CDH23: variants seen among roughly 807,000 people sequenced by gnomAD.
CDH23 encodes cadherin related 23, also known as cadherin-23.
Under a neutral mutation model 317.1 loss-of-function variants are expected in CDH23, and 189 were observed. That is an observed-to-expected ratio of 0.60 (90% CI 0.53 to 0.67). CDH23 has a LOEUF of 0.67. Among genes scored for constraint, CDH23 ranks in the 30% least tolerant of loss-of-function variants. The pLI is 0.00. For synonymous variants in CDH23, 1,839 were observed against 1,876.8 expected (o/e 0.98, Z 0.52); for missense variants, 4,401 against 4,592.4 (o/e 0.96, Z 1.20).
At position 71,660,235 on chromosome 10, in the gene CDH23, C is replaced by T. The variant is rs116595063; in HGVS notation, c.1449+13618C>T. Among the ~76,000 whole-genome samples the T allele has an allele frequency of 3.0e-3, 454 of 152,186 alleles. 1 individual carries two copies. The highest frequency in any genetic ancestry group is 6.2e-3 in the Admixed American group (95 of 15,292). On this transcript the variant is annotated intron_variant, in intron 14 of 69. Coordinates refer to ENST00000224721, the MANE Select transcript of CDH23 (RefSeq NM_022124.6). The stretch of plus-strand genomic sequence containing the variant: ...CGGCCTCCCAAAGTGAGTGAGCCAC[C>T]GCGCCCGGCCTGACTCAGCCATTTC...
rs1051793390 is a variant in CDH23 at position 71,559,554 on chromosome 10, A to G, written c.430-7188A>G. 6.6e-5 allele frequency among the ~76,000 whole-genome samples: 10 copies of G among 152,326 alleles called. 1 individual carries two copies. Among genetic ancestry groups the G allele is most frequent in the Admixed American group, 4.6e-4 (7 of 15,310 alleles). ...ATAAGCACTTTGATGAGTGTCTTTC[A>G]GGGATTCCAAAAAGCCAGTACACAG... On this transcript the variant is annotated intron_variant, in intron 6 of 69. Transcript: ENST00000224721.
chr10:71,424,020 T>G (rs368229650), intron 1 of CDH23, among the ~76,000 whole-genome samples: 12 of 152,106 alleles, frequency 7.9e-5, no homozygotes, highest in African/African-American at 2.4e-4. Context: ...GCAGAAGAGG[T>G]GGGGACTGGG....
chr10:71,685,411 G>GC lies in CDH23; in HGVS notation c.1987-2230dup, dbSNP rs886211344. Among the ~76,000 whole-genome samples the GC allele has an allele frequency of 7.2e-5, 11 of 152,292 alleles. No individual in the cohort carries two copies. In the East Asian group the frequency reaches 7.7e-4, roughly 11 times the overall value. On this transcript the variant is annotated intron_variant, in intron 18 of 69. Transcript: ENST00000224721. ...GACTGGAGCATCTCGTTGTGCCTCA[G>GC]CCCCCCTAAAAGGGGCCGGAGCATG...
intron 6 of CDH23, among the ~76,000 whole-genome samples, chr10:71,513,599 C>T (rs1854116502): frequency 6.6e-6 from 1 of 152,194 alleles, no homozygotes; most frequent in Admixed American, 6.5e-5. Context: ...AGAGAAATCT[C>T]AGCAGGCTTC....
chr10:71,770,081 T>C (rs1468438336), intron 38 of CDH23, among the ~76,000 whole-genome samples: 1 of 152,188 alleles, frequency 6.6e-6, no homozygotes, highest in African/African-American at 2.4e-5. Context: ...CTTTGGAGAA[T>C]CTAGTCCCAG....
intron 1 of CDH23, among the ~76,000 whole-genome samples, chr10:71,404,468 A>G (rs1191802847): frequency 6.6e-6 from 1 of 152,218 alleles, no homozygotes; most frequent in East Asian, 1.9e-4. Flanking sequence ...TCCTTTAGCC[A>G]TTTGAGTTTG....
At chr10:71,811,864 T>G (rs1287230904) in intron 65 of CDH23, 91 bp from the exon 66 acceptor site, 2 of 1,592,446 alleles carry the variant, frequency 1.3e-6, no homozygotes, top group African/African-American at 1.3e-5. Flanking sequence ...CCCAGGACCA[T>G]GCCCCGCACC....
chr10:71,780,539 A>T (rs1840924775), intron 41 of CDH23, among the ~76,000 whole-genome samples: 1 of 152,212 alleles, frequency 6.6e-6, no homozygotes, highest in Admixed American at 6.5e-5. Flanking sequence ...ACAGAGAAGC[A>T]AAAAGGCCTG....
At chr10:71,761,897 G>A (rs767512752) in intron 38 of CDH23, 8 of 1,614,030 alleles carry the variant, frequency 5.0e-6, no homozygotes, top group South Asian at 2.2e-5. Context: ...GCGGTACCAC[G>A]TCTTGTAGAA....
At chr10:71,449,890 C>T (rs1235823822) in intron 3 of CDH23, among the ~76,000 whole-genome samples, 3 of 152,236 alleles carry the variant, frequency 2.0e-5, no homozygotes, top group Non-Finnish European at 4.4e-5. Context: ...ATCTCCTCAC[C>T]TATCTCAGGC....
chr10:71,533,608 G>C (rs1411819606), intron 6 of CDH23, among the ~76,000 whole-genome samples: 2 of 151,142 alleles, frequency 1.3e-5, no homozygotes, highest in Non-Finnish European at 2.9e-5. Context: ...ACTTAGTTGG[G>C]GCAGCCTGTT....
Position 71,811,448 on chromosome 10 carries a change from C to G in CDH23, c.9198+13C>G, listed in dbSNP as rs375384238. 1 of 1,613,992 alleles carries G rather than the reference C, an allele frequency of 6.2e-7. No individual in the cohort carries two copies. Among genetic ancestry groups the G allele is most frequent in the South Asian group, 1.1e-5 (1 of 91,086 alleles). On this transcript the variant is annotated intron_variant, in intron 63 of 69. Coordinates refer to ENST00000224721, the MANE Select transcript of CDH23 (RefSeq NM_022124.6). ...GTCTGCCCTGCAGGTACCCGGCGAC[C>G]GTGCCCCACAGCCCTAGCCGCCCTC...
intron 25 of CDH23, among the ~76,000 whole-genome samples, chr10:71,706,286 C>T (rs1215404652): frequency 6.6e-6 from 1 of 152,126 alleles, no homozygotes; most frequent in Non-Finnish European, 1.5e-5. Flanking sequence ...AACCTTATTT[C>T]GGGGGGTGGG....
Position 71,474,798 on chromosome 10 carries a change from G to C in CDH23, c.145+28403G>C, listed in dbSNP as rs1467968319. 2.6e-5 allele frequency among the ~76,000 whole-genome samples: 4 copies of C among 152,242 alleles called. No homozygotes were observed. The South Asian group carries it at 8.3e-4, about 31-fold the overall frequency. ...AGCACAGACAGGGGTTGTGCTCAGA[G>C]CAGACAGCAGGTCAAGAGCCCCGGC... On this transcript the variant is annotated intron_variant, in intron 3 of 69. Coordinates refer to ENST00000224721, the MANE Select transcript of CDH23 (RefSeq NM_022124.6).
chr10:71,519,169 C>A (rs547342843), intron 6 of CDH23, among the ~76,000 whole-genome samples: 3 of 152,330 alleles, frequency 2.0e-5, no homozygotes, highest in Non-Finnish European at 4.4e-5. Context: ...AGCAGGGGGA[C>A]TGTGCAGAGC....
chr10:71,646,038 C>T lies in CDH23; in HGVS notation c.1290+58C>T, dbSNP rs562546644. ...GGTGGGGGGTGGATTTCAGGGGAGG[C>T]GAGGGTAGGGTAGAAGATTCCCTTA... On this transcript the variant is annotated intron_variant, in intron 13 of 69. Coordinates refer to ENST00000224721, the MANE Select transcript of CDH23 (RefSeq NM_022124.6). The T allele has an allele frequency of 1.7e-4, 270 of 1,578,780 alleles. 3 individuals are homozygous for T. In the South Asian group the frequency reaches 2.4e-3, roughly 14 times the overall value.
At position 71,482,813 on chromosome 10, in the gene CDH23, G is replaced by A. The variant is rs141607189; in HGVS notation, c.146-27269G>A. ...GTGGTGTCAGGTGCCCGAGTTGAGC[G>A]GATTACAACATTTGGGGCATTGCAT... On this transcript the variant is annotated intron_variant, in intron 3 of 69. Transcript: ENST00000224721. 2.1e-3 allele frequency among the ~76,000 whole-genome samples: 317 copies of A among 152,282 alleles called. 3 individuals are homozygous for A. The highest frequency in any genetic ancestry group is 7.5e-3 in the African/African-American group (310 of 41,540).
intron 3 of CDH23, among the ~76,000 whole-genome samples, chr10:71,451,529 C>T (rs1198641161): frequency 1.2e-4 from 18 of 152,238 alleles, no homozygotes; most frequent in Admixed American, 4.6e-4. Context: ...TCCCACTTCA[C>T]GGTCTTTGCA....
chr10:71,643,088 G>A (rs899136984), intron 11 of CDH23, among the ~76,000 whole-genome samples: 4 of 152,182 alleles, frequency 2.6e-5, no homozygotes, highest in East Asian at 1.9e-4. Flanking sequence ...TAGTGTCCTC[G>A]TTCGCATCAT....
Sources: gnomAD v4.1 joint callset for allele counts (sites outside exome capture counted in the v4.1 genomes callset) on GRCh38, gnomAD v4.1.1 for gene constraint, MANE v1.5 for transcripts, NCBI Gene and HGNC (gene_info 2026-07-23, HGNC 2026-07-21) for gene names.